Variants in SLC2A9 observed in about 807,000 individuals in gnomAD.
SLC2A9 encodes solute carrier family 2, facilitated glucose transporter member 9.
SLC2A9 carries 39 observed loss-of-function variants against 50.6 expected under a neutral mutation model. That is an observed-to-expected ratio of 0.77 (90% CI 0.60 to 1.01). The LOEUF (loss-of-function observed/expected upper bound fraction) is 1.01. SLC2A9 is among the 50% of genes least tolerant of loss of function. The pLI is 0.00. For missense variants in SLC2A9, 686 were observed against 677.6 expected (o/e 1.01, Z -0.14); for synonymous variants, 324 against 276.9 (o/e 1.17, Z -1.69).
At chr4:9,808,424 T>G (rs1438954381) in intron 3 of SLC2A9, among the ~76,000 whole-genome samples, 2 of 152,162 alleles carry the variant, frequency 1.3e-5, no homozygotes, top group African/African-American at 4.8e-5. Flanking sequence ...CAGTCAGCCT[T>G]TAGGGGCCAT....
At chr4:9,791,946 G>A (rs1719967350) in intron 3 of SLC2A9, among the ~76,000 whole-genome samples, 1 of 152,148 alleles carries the variant, frequency 6.6e-6, no homozygotes, top group African/African-American at 2.4e-5. Context: ...TAGAAGAAAA[G>A]GGAGAGAACA....
At chr4:9,956,205 C>T (rs1171194029) in intron 5 of SLC2A9, among the ~76,000 whole-genome samples, 2 of 150,858 alleles carry the variant, frequency 1.3e-5, no homozygotes, top group African/African-American at 2.4e-5. Flanking sequence ...TATCATCGGC[C>T]GGGTGCAGTG....
chr4:9,897,510 T>G (rs1399709580), intron 8 of SLC2A9, among the ~76,000 whole-genome samples: 4 of 152,130 alleles, frequency 2.6e-5, no homozygotes, highest in African/African-American at 9.7e-5. Flanking sequence ...GGTCTTTATT[T>G]TTAGGTGATT....
At chr4:9,834,217 T>TA (rs1726657640) in intron 11 of SLC2A9, among the ~76,000 whole-genome samples, 1 of 152,176 alleles carries the variant, frequency 6.6e-6, no homozygotes, top group African/African-American at 2.4e-5. Context: ...TTGCCCCATT[T>TA]AAAATAGCAC....
chr4:9,831,810 T>G (rs1246791979), intron 11 of SLC2A9, among the ~76,000 whole-genome samples: 1 of 152,222 alleles, frequency 6.6e-6, no homozygotes, highest in Admixed American at 6.5e-5. Flanking sequence ...GTGAGTGAGC[T>G]TCTCATGAGA....
chr4:9,948,552 C>T (rs1477302527), intron 5 of SLC2A9, among the ~76,000 whole-genome samples: 1 of 152,192 alleles, frequency 6.6e-6, no homozygotes, highest in Non-Finnish European at 1.5e-5. Flanking sequence ...CTGGAATTGC[C>T]CTTGAAGGAT....
intron 1 of SLC2A9, chr4:10,035,316 C>T (rs952775632): frequency 3.3e-5 from 5 of 152,260 alleles, no homozygotes; most frequent in African/African-American, 1.2e-4. Context: ...GACCCTTGGC[C>T]TGGTGCCAGG....
At chr4:9,813,515 C>T (rs1383610337) in intron 3 of SLC2A9, among the ~76,000 whole-genome samples, 2 of 152,172 alleles carry the variant, frequency 1.3e-5, no homozygotes, top group Non-Finnish European at 2.9e-5. Flanking sequence ...CCATCACATT[C>T]TCTTTATATA....
chr4:9,822,213 C>A (rs4697892), downstream of SLC2A9, among the ~76,000 whole-genome samples: 31,396 of 152,080 alleles, frequency 0.21, 3,356 homozygotes, highest in Admixed American at 0.27. Flanking sequence ...TTGTATTGAT[C>A]TTTCCAAAGA....
intron 3 of SLC2A9, among the ~76,000 whole-genome samples, chr4:9,785,721 T>C (rs1247392499): frequency 6.6e-6 from 1 of 152,252 alleles, no homozygotes; most frequent in African/African-American, 2.4e-5. Flanking sequence ...GCTGGGAATG[T>C]AGTTGTCAAT....
chr4:9,918,700 C>G (rs372017045), intron 7 of SLC2A9, among the ~76,000 whole-genome samples: 1 of 152,192 alleles, frequency 6.6e-6, no homozygotes. Context: ...AGGTGGAGGC[C>G]AAGTGACGGG....
intron 6 of SLC2A9, among the ~76,000 whole-genome samples, chr4:9,936,475 G>A (rs1385071623): frequency 6.6e-6 from 1 of 152,208 alleles, no homozygotes; most frequent in Non-Finnish European, 1.5e-5. Context: ...CAGGGAGCAT[G>A]ATGATACTAG....
At chr4:9,982,344 G>T (rs1756024624) in intron 4 of SLC2A9, among the ~76,000 whole-genome samples, 1 of 152,170 alleles carries the variant, frequency 6.6e-6, no homozygotes. Context: ...GTCCTGGCGT[G>T]ACTCCAACAG....
At chr4:9,869,561 T>C (rs1733069304) in intron 10 of SLC2A9, among the ~76,000 whole-genome samples, 3 of 152,226 alleles carry the variant, frequency 2.0e-5, no homozygotes, top group Admixed American at 2.0e-4. Flanking sequence ...AACCATTTCC[T>C]GCTCTGGGAC....
chr4:9,782,345 T>C (rs147655139), intron 3 of SLC2A9: 637 of 1,614,060 alleles, frequency 3.9e-4, no homozygotes, highest in Middle Eastern at 6.6e-4. Flanking sequence ...GGTGGCCGGT[T>C]ACTGGCCCTT....
At chr4:9,939,651 T>C (rs1202650348) in intron 6 of SLC2A9, among the ~76,000 whole-genome samples, 1 of 152,164 alleles carries the variant, frequency 6.6e-6, no homozygotes, top group Non-Finnish European at 1.5e-5. Context: ...TCTATGGTTG[T>C]TGTGATGATT....
chr4:9,969,231 T>G (rs959055041), intron 5 of SLC2A9, among the ~76,000 whole-genome samples: 3 of 152,184 alleles, frequency 2.0e-5, no homozygotes, highest in Non-Finnish European at 2.9e-5. Flanking sequence ...GGATATGTTA[T>G]TGGTATATAT....
At chr4:9,871,061 T>C (rs901135972) in intron 10 of SLC2A9, among the ~76,000 whole-genome samples, 53 of 152,302 alleles carry the variant, frequency 3.5e-4, no homozygotes, top group African/African-American at 1.2e-3. Context: ...GGATTATAAG[T>C]GCAAGCCACT....
chr4:9,825,114 G>C (rs1477352690), downstream of SLC2A9, among the ~76,000 whole-genome samples: 1 of 152,208 alleles, frequency 6.6e-6, no homozygotes, highest in Non-Finnish European at 1.5e-5. Context: ...ACTCCTATGA[G>C]ATACCAAATT....
Sources: allele counts gnomAD v4.1 joint callset (sites outside exome capture counted in the v4.1 genomes callset), GRCh38; gene constraint gnomAD v4.1.1; transcripts MANE v1.5; gene names NCBI Gene and HGNC (gene_info 2026-07-23, HGNC 2026-07-21).